The following ALOX5AP variants were observed in gnomAD, a reference collection of about 807,000 sequenced individuals.
ALOX5AP encodes arachidonate 5-lipoxygenase-activating protein.
Under a neutral mutation model 18.5 loss-of-function variants are expected in ALOX5AP, and 9 were observed. That is an observed-to-expected ratio of 0.49 (90% CI 0.29 to 0.85). ALOX5AP has a LOEUF of 0.85. ALOX5AP is among the 40% of genes least tolerant of loss of function. The pLI is 0.08. For missense variants in ALOX5AP, 172 were observed against 202.5 expected (o/e 0.85, Z 0.91); for synonymous variants, 81 against 78.6 (o/e 1.03, Z -0.16).
At chr13:30,757,102 G>A (rs904082120) in intron 4 of ALOX5AP, among the ~76,000 whole-genome samples, 1 of 152,136 alleles carries the variant, frequency 6.6e-6, no homozygotes, top group Non-Finnish European at 1.5e-5. Flanking sequence ...GCTGCCCCAG[G>A]TGCTGACCCC....
At chr13:30,753,028 C>T (rs952821328) in intron 3 of ALOX5AP, among the ~76,000 whole-genome samples, 2 of 152,204 alleles carry the variant, frequency 1.3e-5, no homozygotes, top group African/African-American at 4.8e-5. Flanking sequence ...AAGAGCTACT[C>T]TGTGCCAAGC....
intron 4 of ALOX5AP, among the ~76,000 whole-genome samples, chr13:30,758,179 C>A (rs1223368586): frequency 1.3e-5 from 2 of 152,150 alleles, no homozygotes; most frequent in Non-Finnish European, 2.9e-5. Flanking sequence ...TAATCTAGAC[C>A]AAAATACGGC....
chr13:30,738,153 C>A (rs1035131802), intron 1 of ALOX5AP, among the ~76,000 whole-genome samples: 1 of 152,218 alleles, frequency 6.6e-6, no homozygotes, highest in Non-Finnish European at 1.5e-5. Flanking sequence ...GTTCCACATG[C>A]GCCCATGACT....
At chr13:30,715,048 C>G (rs1951539265) in intron 1 of ALOX5AP, among the ~76,000 whole-genome samples, 1 of 152,176 alleles carries the variant, frequency 6.6e-6, no homozygotes, top group Non-Finnish European at 1.5e-5. Flanking sequence ...CTCTGGGGTT[C>G]ACTGCCTTGC....
At chr13:30,747,624 A>G (rs1261290947) in intron 2 of ALOX5AP, among the ~76,000 whole-genome samples, 1 of 152,222 alleles carries the variant, frequency 6.6e-6, no homozygotes, top group East Asian at 1.9e-4. Flanking sequence ...CAGGTTGCAG[A>G]GAGGAGAAGG....
intron 2 of ALOX5AP, 44 bp downstream of exon 2, chr13:30,744,203 A>G: frequency 6.4e-7 from 1 of 1,565,034 alleles, no homozygotes; most frequent in Non-Finnish European, 8.8e-7. Context: ...GGGCATGGGC[A>G]GGGGGGCCTC....
chr13:30,731,005 G>C (rs2137797227), upstream of ALOX5AP, among the ~76,000 whole-genome samples: 1 of 152,178 alleles, frequency 6.6e-6, no homozygotes, highest in South Asian at 2.1e-4. Flanking sequence ...TAATTACGGA[G>C]AGCGCTGGGA....
intron 2 of ALOX5AP, 25 bp downstream of exon 2, chr13:30,744,184 A>T (rs989876575): frequency 1.2e-6 from 2 of 1,605,858 alleles, no homozygotes; most frequent in Admixed American, 1.7e-5. Context: ...TGATGTTGCT[A>T]ATAAGTGGGG....
chr13:30,719,320 AG>A (rs1425845390), intron 1 of ALOX5AP, among the ~76,000 whole-genome samples: 1 of 152,242 alleles, frequency 6.6e-6, no homozygotes, highest in Admixed American at 6.5e-5. Context: ...CTAGGATTTC[AG>A]CTTCATTGCA....
chr13:30,733,599 T>A (rs192915413), upstream of ALOX5AP, among the ~76,000 whole-genome samples: 8 of 152,352 alleles, frequency 5.3e-5, no homozygotes, highest in African/African-American at 1.9e-4. Flanking sequence ...AGCTAAAAAA[T>A]GCCCAGGTAG....
intron 1 of ALOX5AP, among the ~76,000 whole-genome samples, chr13:30,743,205 T>C (rs974900633): frequency 1.3e-5 from 2 of 152,076 alleles, no homozygotes; most frequent in Non-Finnish European, 2.9e-5. Context: ...TTCTTTCTCA[T>C]TGAGGCTCAC....
intron 1 of ALOX5AP, chr13:30,713,971 C>A: frequency 1.0e-6 from 1 of 974,472 alleles, no homozygotes; most frequent in Non-Finnish European, 1.5e-6. Flanking sequence ...CAGTATTGGG[C>A]AGCTAGAGTG....
chr13:30,744,778 G>A (rs796558186), intron 2 of ALOX5AP, among the ~76,000 whole-genome samples: 9 of 152,318 alleles, frequency 5.9e-5, no homozygotes, highest in African/African-American at 1.7e-4. Flanking sequence ...ATGCAAATCC[G>A]AATGAATGTT....
chr13:30,733,175 A>G (rs551071902), upstream of ALOX5AP, among the ~76,000 whole-genome samples: 41 of 151,654 alleles, frequency 2.7e-4, no homozygotes, highest in South Asian at 4.2e-4. Context: ...AAAAAAAAAA[A>G]AGAGAGGAAG....
intron 2 of ALOX5AP, 55 bp downstream of exon 2, chr13:30,744,214 C>T: frequency 4.0e-6 from 6 of 1,505,512 alleles, no homozygotes; most frequent in Non-Finnish European, 5.5e-6. Context: ...GGGGGGCCTC[C>T]TTCTAGGAGT....
At chr13:30,756,789 G>A (rs1951898384) in intron 4 of ALOX5AP, among the ~76,000 whole-genome samples, 1 of 135,046 alleles carries the variant, frequency 7.4e-6, no homozygotes, top group Non-Finnish European at 1.5e-5. Context: ...CTCCAGCCTG[G>A]GCAACAAAAG....
At chr13:30,738,010 A>G (rs2137804864) in intron 1 of ALOX5AP, among the ~76,000 whole-genome samples, 1 of 152,346 alleles carries the variant, frequency 6.6e-6, no homozygotes, top group South Asian at 2.1e-4. Flanking sequence ...TCAAAAAAAT[A>G]TGCAAAAACC....
At chr13:30,754,054 A>G (rs1326509832) in intron 3 of ALOX5AP, among the ~76,000 whole-genome samples, 4 of 152,180 alleles carry the variant, frequency 2.6e-5, no homozygotes, top group African/African-American at 4.8e-5. Context: ...AGCCTGACCA[A>G]CATGGAGAAA....
intron 1 of ALOX5AP, among the ~76,000 whole-genome samples, chr13:30,741,103 C>CTTTTTTTTTTTTTTTTTTT (rs59980433): frequency 6.3e-5 from 4 of 63,968 alleles, no homozygotes; most frequent in Non-Finnish European, 1.1e-4. Flanking sequence ...CCTCCATATC[C>CTTTTTTTTTTTTTTTTTTT]TTTTTTTTTT....
Sources: allele counts gnomAD v4.1 joint callset (sites outside exome capture counted in the v4.1 genomes callset), GRCh38; gene constraint gnomAD v4.1.1; transcripts MANE v1.5; gene names NCBI Gene and HGNC (gene_info 2026-07-23, HGNC 2026-07-21).